The following ATRIP variants were observed in gnomAD, a reference collection of about 807,000 sequenced individuals.
ATRIP encodes the protein ATR-interacting protein.
A neutral mutation model predicts 78.1 loss-of-function variants in ATRIP; 44 were observed. The ratio of observed to expected loss-of-function variants is 0.56; its 90% CI spans 0.44 to 0.72. The LOEUF (loss-of-function observed/expected upper bound fraction) is 0.72. Among genes scored for constraint, ATRIP ranks in the 30% least tolerant of loss-of-function variants. ATRIP has a pLI of 0.00. For synonymous variants in ATRIP, 388 were observed against 408.9 expected, an observed-to-expected ratio of 0.95 and a Z score of 0.62; for missense variants, 927 against 980.2, an observed-to-expected ratio of 0.95 and a Z score of 0.72.
At position 48,466,451 on chromosome 3, in the gene ATRIP, T is replaced by G. The variant is rs943962075; in HGVS notation, c.*897T>G. ...AGACAGTCGAATGTGCTGGTCCCAC[T>G]AAGGAAACCACCTCACCCTCTCCAA... is the stretch of plus-strand genomic sequence containing the variant. On this transcript the variant is annotated 3_prime_UTR_variant, in exon 13 of 13. Coordinates refer to ENST00000320211, the MANE Select transcript of ATRIP (RefSeq NM_130384.3). The G allele has an allele frequency of 6.8e-6, 11 of 1,613,314 alleles. No individual in the cohort carries two copies. Among genetic ancestry groups the G allele is most frequent in the African/African-American group, 1.3e-5 (1 of 74,888 alleles).
At chr3:48,449,443 A>G (rs1037746496) in intron 1 of ATRIP, among the ~76,000 whole-genome samples, 9 of 140,932 alleles carry the variant, frequency 6.4e-5, no homozygotes, top group African/African-American at 1.6e-4. Context: ...AAGAAGGATC[A>G]TTTATGAGTT....
At position 48,457,390 on chromosome 3, in the gene ATRIP, G is replaced by A. The variant is rs1487380737; in HGVS notation, c.803G>A (p.Gly268Glu). The A allele has an allele frequency of 6.3e-7, 1 of 1,592,516 alleles. No homozygotes were observed. Among genetic ancestry groups the A allele is most frequent in the Non-Finnish European group, 8.5e-7 (1 of 1,170,684 alleles). ...CCCCACCCCTGCCAGACGGAGTCAG[G>A]ATACAAGCCTCTGGTGGGCAGAGAG... is the stretch of plus-strand genomic sequence containing the variant. Reference protein sequence around the residue: ...SLPHPCQTESGYKPLVGREDS... With the variant: ...SLPHPCQTESEYKPLVGREDS... The change falls in exon 5 of 13, where the codon GGA becomes GAA. Residue 268 changes from glycine to glutamate, a missense_variant. Gly to Glu is a moderately conservative substitution (Grantham distance 98). Transcript: ENST00000320211.
chr3:48,465,644 C>A lies in ATRIP; in HGVS notation c.*90C>A. On this transcript the variant is annotated 3_prime_UTR_variant, in exon 13 of 13. Transcript: ENST00000320211. Reference sequence around the variant, plus strand: ...TAAAGCAGTGACCAGCAGGAACTGCCCAGAGAACTGGCTGGCCTTGTTTCC... The same window carrying A: ...TAAAGCAGTGACCAGCAGGAACTGCACAGAGAACTGGCTGGCCTTGTTTCC... 1 of 1,331,356 alleles carries A rather than the reference C, an allele frequency of 7.5e-7. No individual in the cohort carries two copies. Among genetic ancestry groups the A allele is most frequent in the Non-Finnish European group, 1.1e-6 (1 of 935,198 alleles). The allele number at this position is 1,331,356 out of a possible 1,614,324, so 82.5% of individuals were successfully genotyped here. A position where few individuals can be genotyped will look rare whatever the true frequency, so the allele number is the denominator to read the frequency against.
chr3:48,450,536 C>G (rs1453186030), intron 2 of ATRIP: 1 of 1,289,790 alleles, frequency 7.8e-7, no homozygotes, highest in East Asian at 5.5e-5. Flanking sequence ...CTGTAGGTCC[C>G]TAAGAAAACC....
intron 5 of ATRIP, among the ~76,000 whole-genome samples, chr3:48,458,051 G>C (rs2040000634): frequency 6.6e-6 from 1 of 151,138 alleles, no homozygotes; most frequent in South Asian, 2.1e-4. Flanking sequence ...CCTTTTGAAG[G>C]GGAGTTGTGT....
chr3:48,464,611 G>A lies in ATRIP; in HGVS notation c.2004G>A (p.Val668=). Residue 668 remains valine (V), a synonymous_variant, in exon 11 of 13, where the codon GTG becomes GTA. Transcript: ENST00000320211. Reference sequence around the variant, plus strand: ...TGTGGCTCCTGGCTAAGCTTGGTGTGCAGAGCCCCTTGCCCCCAGTCACTG... The same window carrying A: ...TGTGGCTCCTGGCTAAGCTTGGTGTACAGAGCCCCTTGCCCCCAGTCACTG... The part of the protein sequence containing the change: ...EVVWLLAKLG[V]QSPLPPVTGS... The A allele has an allele frequency of 1.2e-6, 2 of 1,614,082 alleles. No homozygotes were observed. The highest frequency in any genetic ancestry group is 1.7e-5 in the Admixed American group (1 of 59,996).
chr3:48,450,561 T>G lies in ATRIP; in HGVS notation c.381+391T>G, dbSNP rs991789513. 2.3e-6 allele frequency: 3 copies of G among 1,286,048 alleles called. No homozygotes were observed. The African/African-American group carries it at 4.6e-5, about 20-fold the overall frequency. The allele number at this position is 1,286,048 out of a possible 1,614,324, so 79.7% of individuals were successfully genotyped here. On this transcript the variant is annotated intron_variant, in intron 2 of 12. Coordinates refer to ENST00000320211, the MANE Select transcript of ATRIP (RefSeq NM_130384.3). The stretch of plus-strand genomic sequence containing the variant: ...CTAAGAAAACCAGGAATATGTGGAA[T>G]TTTAGTTGTGCAAGGTATGTGACCC...
At chr3:48,451,973 C>G in intron 3 of ATRIP, 74 bp downstream of exon 3, 1 of 1,394,960 alleles carries the variant, frequency 7.2e-7, no homozygotes, top group Non-Finnish European at 9.7e-7. Flanking sequence ...GCCTGTAAAT[C>G]TTCCAGGGAG....
chr3:48,454,183 C>T, intron 3 of ATRIP, 117 bp from the exon 4 acceptor site: 1 of 654,188 alleles, frequency 1.5e-6, no homozygotes, highest in Non-Finnish European at 2.8e-6. Flanking sequence ...TATGTCACAG[C>T]AGACTTTCAT....
rs532286717 is a variant in ATRIP, at chr3:48,466,839, C to T, written c.*1285C>T. On this transcript the variant is annotated 3_prime_UTR_variant, in exon 13 of 13. Transcript: ENST00000320211. Reference sequence around the variant, plus strand: ...ACCTCCCACAGTTCCTCCACCACCGCGTGTGGTAGACAAGCTCTCCCTGTG... The same window carrying T: ...ACCTCCCACAGTTCCTCCACCACCGTGTGTGGTAGACAAGCTCTCCCTGTG... 9 of 1,614,014 alleles carry T rather than the reference C, an allele frequency of 5.6e-6. No homozygotes were observed. Among genetic ancestry groups the T allele is most frequent in the Middle Eastern group, 3.3e-4 (2 of 6,062 alleles).
chr3:48,459,518 G>T, intron 6 of ATRIP, 64 bp downstream of exon 6: 1 of 1,506,896 alleles, frequency 6.6e-7, no homozygotes, highest in Non-Finnish European at 9.2e-7. Flanking sequence ...CAGAAGAATT[G>T]CCCAGGCCTC....
Position 48,466,283 on chromosome 3 carries a change from C to G in ATRIP, c.*729C>G. The G allele has an allele frequency of 1.5e-6, 1 of 671,062 alleles. No individual in the cohort carries two copies. The allele number at this position is 671,062 out of a possible 1,614,324, so 41.6% of individuals were successfully genotyped here. A position where few individuals can be genotyped will look rare whatever the true frequency, so the allele number is the denominator to read the frequency against. Reference sequence around the variant, plus strand: ...CGCGGGAGAGTGTGCAGCCGAGTCACTACTGCCTGCCTGCCTGCCTGCTAC... The same window carrying G: ...CGCGGGAGAGTGTGCAGCCGAGTCAGTACTGCCTGCCTGCCTGCCTGCTAC... On this transcript the variant is annotated 3_prime_UTR_variant, in exon 13 of 13. Transcript: ENST00000320211.
At chr3:48,456,144 A>C (rs963780177) in intron 4 of ATRIP, among the ~76,000 whole-genome samples, 1 of 151,964 alleles carries the variant, frequency 6.6e-6, no homozygotes. Flanking sequence ...TTTGTTCCAC[A>C]TTGAAAAGAT....
At chr3:48,460,943 A>T in intron 8 of ATRIP, 144 bp downstream of exon 8, 2 of 810,912 alleles carry the variant, frequency 2.5e-6, no homozygotes, top group Admixed American at 3.1e-5. Context: ...TTCTGAAGTG[A>T]TGGGAAGTGG....
chr3:48,447,390 C>T (rs911072993), intron 1 of ATRIP: 4 of 1,077,626 alleles, frequency 3.7e-6, no homozygotes, highest in South Asian at 4.2e-5. Flanking sequence ...TTGGAACACA[C>T]CTACCACCAC....
At chr3:48,452,870 ATTTTTTTT>A (rs71074246) in intron 3 of ATRIP, among the ~76,000 whole-genome samples, 12 of 117,492 alleles carry the variant, frequency 1.0e-4, no homozygotes, top group East Asian at 5.1e-4. Context: ...AAATTATTGA[ATTTTTTTT>A]TTTTTTTTTT....
intron 3 of ATRIP, 68 bp downstream of exon 3, chr3:48,451,967 G>A (rs1469479530): frequency 2.9e-5 from 42 of 1,442,444 alleles, no homozygotes; most frequent in Non-Finnish European, 3.6e-5. Context: ...AGGGTTGCCT[G>A]TAAATCTTCC....
Position 48,466,717 on chromosome 3 carries a change from C to T in ATRIP, c.*1163C>T. The T allele has an allele frequency of 6.2e-7, 1 of 1,614,108 alleles. No homozygotes were observed. Among genetic ancestry groups the T allele is most frequent in the Non-Finnish European group, 8.5e-7 (1 of 1,180,030 alleles). On this transcript the variant is annotated 3_prime_UTR_variant, in exon 13 of 13. Coordinates refer to ENST00000320211, the MANE Select transcript of ATRIP (RefSeq NM_130384.3). The stretch of plus-strand genomic sequence containing the variant: ...ACCCTCATCTTTTTCGACATGGAGG[C>T]CACTGGCTTGCCCTTCTCCCAGCCC...
rs142063821 is a variant in ATRIP at position 48,450,109 on chromosome 3, C to T, written c.320C>T (p.Pro107Leu). 24 of 1,612,684 alleles carry T rather than the reference C, an allele frequency of 1.5e-5. No homozygotes were observed. The African/African-American group carries it at 3.1e-4, about 21-fold the overall frequency. Residue 107 changes from proline to leucine, a missense_variant, in exon 2 of 13, where the codon CCA becomes CTA. By Grantham distance (98) the Pro-to-Leu change is moderately conservative. Transcript: ENST00000320211. Reference protein sequence around the residue: ...NPSGKNRETVPIKDNFELEVL... With the variant: ...NPSGKNRETVLIKDNFELEVL... ...TCAGGGAAAAACAGAGAAACTGTTC[C>T]AATTAAAGATAATTTCGAATTAGAG...
Sources: gnomAD v4.1 joint callset for allele counts (sites outside exome capture counted in the v4.1 genomes callset) on GRCh38, gnomAD v4.1.1 for gene constraint, MANE v1.5 for transcripts, NCBI Gene and HGNC (gene_info 2026-07-23, HGNC 2026-07-21) for gene names.